Variants in ANO3 observed in about 807,000 individuals in gnomAD.
ANO3 encodes the protein anoctamin-3.
A neutral mutation model predicts 144.8 loss-of-function variants in ANO3; 99 were observed. The observed-to-expected ratio is 0.68, with a 90% CI of 0.58 to 0.81. ANO3 has a LOEUF of 0.81. Ranked by LOEUF, ANO3 falls within the 30% of genes least tolerant of loss-of-function variation. The probability of loss-of-function intolerance (pLI) is 0.00; values close to 1 mark genes in which losing one functional copy is unlikely to be tolerated. For synonymous variants in ANO3, 414 were observed against 392.6 expected (o/e 1.05, Z -0.64); for missense variants, 905 against 1,202.2 (o/e 0.75, Z 3.66).
intron 17 of ANO3, among the ~76,000 whole-genome samples, chr11:26,609,258 G>A (rs534682785): frequency 6.6e-6 from 1 of 152,160 alleles, no homozygotes; most frequent in African/African-American, 2.4e-5. Flanking sequence ...GAGCACACCA[G>A]CCGCCTAGTC....
At chr11:26,435,434 A>G (rs193196472) in intron 1 of ANO3, among the ~76,000 whole-genome samples, 4 of 152,142 alleles carry the variant, frequency 2.6e-5, no homozygotes, top group Admixed American at 2.0e-4. Context: ...TGTTCTCAGT[A>G]TTTCCTGCAT....
At chr11:26,234,961 T>C (rs1852482991) in intron 1 of ANO3, among the ~76,000 whole-genome samples, 2 of 135,826 alleles carry the variant, frequency 1.5e-5, no homozygotes, top group African/African-American at 5.1e-5. Flanking sequence ...GGCTGATTGA[T>C]GTCTCAGCTC....
At position 26,647,793 on chromosome 11, in the gene ANO3, TC is replaced by T; in HGVS notation, c.2516del (p.Pro839HisfsTer16). On this transcript the variant is annotated frameshift_variant, in exon 24 of 27. Coordinates refer to ENST00000256737, the MANE Select transcript of ANO3 (RefSeq NM_031418.4). LOFTEE classifies it high-confidence loss of function. ...AFVIAITSDY[I>X]PRFVYEYKYG... ...GTAATTGCTATTACTTCTGATTACA[TC>T]CCACGTTTTGTTTATGAATACAAAT... 2 of 1,613,534 alleles carry T rather than the reference TC, an allele frequency of 1.2e-6. No individual in the cohort carries two copies. Among genetic ancestry groups the T allele is most frequent in the Non-Finnish European group, 8.5e-7 (1 of 1,179,586 alleles).
intron 1 of ANO3, among the ~76,000 whole-genome samples, chr11:26,241,930 CA>C (rs1469567575): frequency 1.3e-5 from 2 of 152,036 alleles, no homozygotes; most frequent in African/African-American, 4.8e-5. Flanking sequence ...AGGACAGAAG[CA>C]AGTAAGATTT....
intron 1 of ANO3, among the ~76,000 whole-genome samples, chr11:26,209,169 C>A (rs1157866939): frequency 6.6e-6 from 1 of 152,104 alleles, no homozygotes; most frequent in Non-Finnish European, 1.5e-5. Context: ...TGACAGGCCC[C>A]AGTGCATAAT....
intron 14 of ANO3, among the ~76,000 whole-genome samples, chr11:26,586,952 TAG>T (rs1329550072): frequency 6.6e-6 from 1 of 152,182 alleles, no homozygotes; most frequent in African/African-American, 2.4e-5. Flanking sequence ...CATAGATTCG[TAG>T]AGTTTTTCAC....
chr11:26,516,639 C>T (rs779298359), intron 5 of ANO3, among the ~76,000 whole-genome samples, 188 bp from the exon 6 acceptor site: 3 of 151,862 alleles, frequency 2.0e-5, no homozygotes, highest in Non-Finnish European at 2.9e-5. Flanking sequence ...TACACGATGT[C>T]ATTATTACAT....
intron 1 of ANO3, among the ~76,000 whole-genome samples, chr11:26,269,368 G>A (rs1287459438): frequency 1.3e-5 from 2 of 152,150 alleles, no homozygotes. Flanking sequence ...TTCACTCTTA[G>A]TGCCTAGTAG....
At chr11:26,314,867 T>C (rs370011640) in intron 1 of ANO3, among the ~76,000 whole-genome samples, 1 of 152,172 alleles carries the variant, frequency 6.6e-6, no homozygotes, top group East Asian at 1.9e-4. Flanking sequence ...ATATAAAGAC[T>C]TTATCTGGGT....
In ANO3 at chr11:26,354,897, A is replaced by C. The variant is rs149281519; in HGVS notation, c.46+22576A>C. On this transcript the variant is annotated intron_variant, in intron 1 of 26. Transcript: ENST00000256737. ...GATTTTTTTTTTTAAATTTCTTAAAAATGTATTTTATATTCCTTGTAATTC... is the reference window on the plus strand; with the variant it reads ...GATTTTTTTTTTTAAATTTCTTAAACATGTATTTTATATTCCTTGTAATTC... 7.2e-4 allele frequency among the ~76,000 whole-genome samples: 109 copies of C among 152,150 alleles called. 1 individual carries two copies. The highest frequency in any genetic ancestry group is 1.4e-3 in the Non-Finnish European group (94 of 67,982).
At chr11:26,325,349 C>T (rs376249414) in intron 1 of ANO3, among the ~76,000 whole-genome samples, 1 of 152,004 alleles carries the variant, frequency 6.6e-6, no homozygotes, top group African/African-American at 2.4e-5. Flanking sequence ...AAATACACAG[C>T]TTTCTCCTGT....
intron 1 of ANO3, among the ~76,000 whole-genome samples, chr11:26,303,190 G>T (rs979949697): frequency 5.3e-5 from 8 of 152,096 alleles, no homozygotes; most frequent in Non-Finnish European, 1.0e-4. Flanking sequence ...TCCCATTACT[G>T]GGCATATAGC....
chr11:26,339,162 T>C (rs1465046137), intron 1 of ANO3, among the ~76,000 whole-genome samples: 1 of 152,002 alleles, frequency 6.6e-6, no homozygotes, highest in African/African-American at 2.4e-5. Context: ...CTTTTTTTTT[T>C]TTTCTTTTTT....
chr11:26,646,945 C>T (rs1853362882), intron 23 of ANO3, among the ~76,000 whole-genome samples: 1 of 151,974 alleles, frequency 6.6e-6, no homozygotes, highest in Non-Finnish European at 1.5e-5. Context: ...TTTTTAATTA[C>T]AAATCAATGT....
intron 1 of ANO3, among the ~76,000 whole-genome samples, chr11:26,363,642 C>T (rs1033866149): frequency 5.3e-5 from 8 of 152,052 alleles, no homozygotes; most frequent in South Asian, 2.1e-4. Context: ...ACATAAAGTT[C>T]GGGGAGGACA....
At chr11:26,278,999 C>A (rs561699558) in intron 1 of ANO3, among the ~76,000 whole-genome samples, 5 of 152,074 alleles carry the variant, frequency 3.3e-5, no homozygotes, top group Non-Finnish European at 7.4e-5. Context: ...CCCTACATAG[C>A]CTTCAATGGA....
At chr11:26,330,252 AT>A (rs1309269285), upstream of ANO3, among the ~76,000 whole-genome samples, 1 of 152,100 alleles carries the variant, frequency 6.6e-6, no homozygotes, top group Non-Finnish European at 1.5e-5. Flanking sequence ...TTCTATCAGA[AT>A]TTTAACTCTG....
At chr11:26,405,927 C>CT (rs961688549) in intron 1 of ANO3, among the ~76,000 whole-genome samples, 7 of 151,578 alleles carry the variant, frequency 4.6e-5, no homozygotes, top group South Asian at 2.1e-4. Flanking sequence ...TTTCTAAAAG[C>CT]TTTTTTTTCA....
At chr11:26,471,832 G>T (rs1344925529) in intron 4 of ANO3, among the ~76,000 whole-genome samples, 10 of 151,910 alleles carry the variant, frequency 6.6e-5, no homozygotes, top group Non-Finnish European at 1.5e-4. Flanking sequence ...CAAAAAATAA[G>T]TCAAAGGTGT....
Sources: allele counts gnomAD v4.1 joint callset (sites outside exome capture counted in the v4.1 genomes callset), GRCh38; gene constraint gnomAD v4.1.1; transcripts MANE v1.5; gene names NCBI Gene and HGNC (gene_info 2026-07-23, HGNC 2026-07-21).